Variants in PTTG1IP observed in about 807,000 individuals in gnomAD.
PTTG1IP encodes pituitary tumor-transforming gene 1 protein-interacting protein.
Under a neutral mutation model 24.4 loss-of-function variants are expected in PTTG1IP, and 16 were observed. The ratio of observed to expected loss-of-function variants is 0.66; its 90% CI spans 0.44 to 1.00. PTTG1IP has a LOEUF of 1.00. PTTG1IP is among the 50% of genes least tolerant of loss of function. The pLI, the probability that PTTG1IP is intolerant of heterozygous loss-of-function variation, is 0.00. For missense variants in PTTG1IP, 241 were observed against 245.8 expected (o/e 0.98, Z 0.13); for synonymous variants, 89 against 96.8 (o/e 0.92, Z 0.47).
chr21:44,852,843 C>G lies in PTTG1IP; in HGVS notation c.497-1216G>C, dbSNP rs141065140. 2.6e-4 allele frequency among the ~76,000 whole-genome samples: 39 copies of G among 152,332 alleles called. No homozygotes were observed. In the East Asian group the frequency reaches 6.6e-3, roughly 26 times the overall value. On this transcript the variant is annotated intron_variant, in intron 5 of 5. Coordinates refer to ENST00000330938, the MANE Select transcript of PTTG1IP (RefSeq NM_004339.4). ...ATTTTATATAACTGCACCAGGTGGA[C>G]TCACATGCTTTCTCGCACTCTCCCA...
intron 1 of PTTG1IP, among the ~76,000 whole-genome samples, chr21:44,869,664 C>T (rs556267776): frequency 6.6e-6 from 1 of 152,284 alleles, no homozygotes; most frequent in East Asian, 1.9e-4. Context: ...ATAAGGAGAT[C>T]TAGAGAGTGC....
chr21:44,861,984 C>G, intron 2 of PTTG1IP: 1 of 641,778 alleles, frequency 1.6e-6, no homozygotes. Context: ...CCGCCCTAAA[C>G]TGACAGCTGG....
chr21:44,859,389 G>A (rs546546441), intron 3 of PTTG1IP, among the ~76,000 whole-genome samples: 11 of 151,640 alleles, frequency 7.3e-5, no homozygotes, highest in Non-Finnish European at 1.3e-4. Flanking sequence ...ATATATGTAC[G>A]CACACACGTG....
intron 1 of PTTG1IP, among the ~76,000 whole-genome samples, chr21:44,867,300 G>A (rs1020310572): frequency 2.6e-5 from 4 of 152,188 alleles, no homozygotes; most frequent in Non-Finnish European, 5.9e-5. Context: ...ACATGGATGA[G>A]TCTGAAGCAC....
intron 3 of PTTG1IP, among the ~76,000 whole-genome samples, chr21:44,856,805 C>T (rs1900003209): frequency 1.3e-5 from 2 of 151,878 alleles, no homozygotes; most frequent in South Asian, 4.1e-4. Flanking sequence ...TTATTTAAAC[C>T]AAAGTCAAGA....
chr21:44,861,904 C>G (rs1763219911), intron 2 of PTTG1IP: 1 of 712,054 alleles, frequency 1.4e-6, no homozygotes, highest in African/African-American at 1.7e-5. Context: ...AAGGACCATG[C>G]TTCCTACCTC....
At chr21:44,852,332 C>A (rs1370412165) in intron 5 of PTTG1IP, among the ~76,000 whole-genome samples, 2 of 152,122 alleles carry the variant, frequency 1.3e-5, no homozygotes, top group Non-Finnish European at 2.9e-5. Flanking sequence ...CAGGCACCCA[C>A]CACCATACTT....
At chr21:44,870,397 C>A (rs766017283) in intron 1 of PTTG1IP, among the ~76,000 whole-genome samples, 1 of 151,724 alleles carries the variant, frequency 6.6e-6, no homozygotes, top group African/African-American at 2.4e-5. Flanking sequence ...GAAAATTAGC[C>A]GGGTGTGATA....
At chr21:44,854,122 C>T (rs765364024) in intron 5 of PTTG1IP, among the ~76,000 whole-genome samples, 6 of 152,318 alleles carry the variant, frequency 3.9e-5, no homozygotes, top group Non-Finnish European at 7.4e-5. Context: ...ACGGAGGCGC[C>T]GCTCACAGTG....
In PTTG1IP at chr21:44,856,215, T is replaced by C. The variant is rs1569321923; in HGVS notation, c.427A>G (p.Arg143Gly). The C allele has an allele frequency of 6.2e-7, 1 of 1,614,042 alleles. No homozygotes were observed. Among genetic ancestry groups the C allele is most frequent in the Non-Finnish European group, 8.5e-7 (1 of 1,179,986 alleles). ...EEKAMREREERRIRQEERRAE... is the reference protein window; with the variant it reads ...EEKAMREREEGRIRQEERRAE... ...CACCGTTCCTCCTGCCGTATCCGCC[T>C]CTCCTCCCGCTCACGCATGGCCTTC... is the stretch of plus-strand genomic sequence containing the variant. The change falls in exon 4 of 6, where the codon AGG becomes GGG. Residue 143 changes from arginine to glycine, a missense_variant. Coordinates refer to ENST00000330938, the MANE Select transcript of PTTG1IP (RefSeq NM_004339.4).
chr21:44,868,167 G>A (rs1017172097), intron 1 of PTTG1IP, among the ~76,000 whole-genome samples: 4 of 152,218 alleles, frequency 2.6e-5, no homozygotes, highest in African/African-American at 9.6e-5. Context: ...TCACTGCTGA[G>A]AGACAGGGTT....
intron 1 of PTTG1IP, among the ~76,000 whole-genome samples, chr21:44,866,169 A>C (rs1011179720): frequency 6.6e-6 from 1 of 151,648 alleles, no homozygotes; most frequent in African/African-American, 2.4e-5. Flanking sequence ...AGTAACTTCC[A>C]ACATGCAACC....
intron 2 of PTTG1IP, among the ~76,000 whole-genome samples, chr21:44,864,815 G>A (rs189013965): frequency 6.6e-6 from 1 of 152,272 alleles, no homozygotes; most frequent in East Asian, 1.9e-4. Flanking sequence ...GGGGAGTCTC[G>A]GGCCCCACCT....
intron 5 of PTTG1IP, among the ~76,000 whole-genome samples, chr21:44,853,979 G>A (rs571688220): frequency 6.6e-6 from 1 of 152,206 alleles, no homozygotes; most frequent in Non-Finnish European, 1.5e-5. Context: ...TTTCCAAGGA[G>A]GCCAGAACTG....
chr21:44,859,922 A>T (rs1458311078), intron 3 of PTTG1IP, among the ~76,000 whole-genome samples: 1 of 152,266 alleles, frequency 6.6e-6, no homozygotes, highest in Non-Finnish European at 1.5e-5. Flanking sequence ...ATAAACAAAA[A>T]GAATCATCAA....
chr21:44,853,505 C>G (rs942379486), intron 5 of PTTG1IP, among the ~76,000 whole-genome samples: 2 of 104,186 alleles, frequency 1.9e-5, no homozygotes, highest in African/African-American at 7.8e-5. Context: ...GAGACTCCGT[C>G]TCAAAAAAAA....
rs753038051 is a variant in PTTG1IP at position 44,856,189 on chromosome 21, T to A, written c.449+4A>T. ...CTTCCCAGCGGGCATCACCACCACC[T>A]CACCGTTCCTCCTGCCGTATCCGCC... On this transcript the variant is annotated splice_donor_region_variant and intron_variant, in intron 4 of 5. Coordinates refer to ENST00000330938, the MANE Select transcript of PTTG1IP (RefSeq NM_004339.4). 1.4e-5 allele frequency: 23 copies of A among 1,613,786 alleles called. No individual in the cohort carries two copies. The African/African-American group carries it at 2.7e-4, about 19-fold the overall frequency.
chr21:44,858,340 G>A (rs564267366), intron 3 of PTTG1IP, among the ~76,000 whole-genome samples: 31 of 152,280 alleles, frequency 2.0e-4, no homozygotes, highest in East Asian at 9.7e-4. Flanking sequence ...TATCATGTGC[G>A]CCGCGGCATC....
At chr21:44,856,135 C>T (rs142385667) in intron 4 of PTTG1IP, 58 bp downstream of exon 4, 1 of 1,613,236 alleles carries the variant, frequency 6.2e-7, no homozygotes, top group East Asian at 2.2e-5. Flanking sequence ...TTTCCATGGC[C>T]TTGCAGATCT....
Sources: gnomAD v4.1 joint callset for allele counts (sites outside exome capture counted in the v4.1 genomes callset) on GRCh38, gnomAD v4.1.1 for gene constraint, MANE v1.5 for transcripts, NCBI Gene and HGNC (gene_info 2026-07-23, HGNC 2026-07-21) for gene names.